PLCH1: variants seen among roughly 807,000 people sequenced by gnomAD.
PLCH1 encodes the protein phospholipase C eta 1.
Under a neutral mutation model 126.7 loss-of-function variants are expected in PLCH1, and 60 were observed. That is an observed-to-expected ratio of 0.47 (90% CI 0.38 to 0.59). PLCH1 has a LOEUF of 0.59. Ranked by LOEUF, PLCH1 falls within the 20% of genes least tolerant of loss-of-function variation. The probability of loss-of-function intolerance (pLI) is 0.00; values close to 1 mark genes in which losing one functional copy is unlikely to be tolerated. For missense variants in PLCH1, 1,723 were observed against 2,040.0 expected (o/e 0.84, Z 2.99); for synonymous variants, 719 against 734.9 (o/e 0.98, Z 0.35).
At chr3:155,639,494 T>C (rs2108848025) in intron 2 of PLCH1, among the ~76,000 whole-genome samples, 1 of 152,164 alleles carries the variant, frequency 6.6e-6, no homozygotes, top group South Asian at 2.1e-4. Flanking sequence ...TATATGGCAA[T>C]CACAGTCCTC....
intron 1 of PLCH1, among the ~76,000 whole-genome samples, chr3:155,724,805 G>C (rs1424551036): frequency 1.4e-5 from 2 of 139,520 alleles, no homozygotes; most frequent in Non-Finnish European, 3.0e-5. Flanking sequence ...TGAATACCTT[G>C]GGGGGTTTTG....
At chr3:155,474,357 C>A (rs1436057978) in intron 21 of PLCH1, among the ~76,000 whole-genome samples, 28 of 150,054 alleles carry the variant, frequency 1.9e-4, no homozygotes, top group African/African-American at 6.6e-4. Context: ...CAGAGAAATG[C>A]AAATCAAAAC....
At chr3:155,603,345 A>G (rs889016173) in intron 2 of PLCH1, among the ~76,000 whole-genome samples, 2 of 151,964 alleles carry the variant, frequency 1.3e-5, no homozygotes, top group African/African-American at 4.8e-5. Flanking sequence ...GTCAAAAAGT[A>G]AGGAAAGGGA....
chr3:155,481,856 T>C lies in PLCH1; in HGVS notation c.4170A>G (p.Glu1390=). 1 of 1,614,178 alleles carries C rather than the reference T, an allele frequency of 6.2e-7. No individual in the cohort carries two copies. Among genetic ancestry groups the C allele is most frequent in the South Asian group, 1.1e-5 (1 of 91,076 alleles). The change falls in exon 23 of 23, where the codon GAA becomes GAG. Residue 1390 remains glutamate (E), a synonymous_variant. Coordinates refer to ENST00000460012, the MANE Select transcript of PLCH1 (RefSeq NM_014996.4). This position sits in a 1 kb window ranked among gnomAD's most constrained non-coding sequence, Gnocchi z 4.2. The part of the protein sequence containing the change: ...LKLKYNQGVV[E]HFQRGLRNGY... The stretch of plus-strand genomic sequence containing the variant: ...CGTTTCTCAAACCTCTTTGAAAGTG[T>C]TCTACCACACCCTGATTGTACTTGA...
chr3:155,574,103 C>T (rs55741476), intron 6 of PLCH1, among the ~76,000 whole-genome samples: 4,104 of 152,018 alleles, frequency 0.027, 179 homozygotes, highest in African/African-American at 0.094. Flanking sequence ...TTAGTGGAGA[C>T]GGGGTTTCAC....
At chr3:155,646,640 T>C (rs1205465492) in intron 2 of PLCH1, among the ~76,000 whole-genome samples, 12 of 152,202 alleles carry the variant, frequency 7.9e-5, no homozygotes, top group African/African-American at 2.9e-4. Flanking sequence ...GATACTTCTC[T>C]AAATGACTTA....
chr3:155,701,183 G>C (rs1220533840), intron 2 of PLCH1, among the ~76,000 whole-genome samples: 2 of 152,112 alleles, frequency 1.3e-5, no homozygotes, highest in African/African-American at 4.8e-5. Flanking sequence ...TAGATAAAAG[G>C]CCGGACATAA....
intron 1 of PLCH1, among the ~76,000 whole-genome samples, chr3:155,739,658 C>G (rs529137096): frequency 6.6e-6 from 1 of 152,148 alleles, no homozygotes; most frequent in Non-Finnish European, 1.5e-5. Context: ...ACAAATTTCC[C>G]GCCTATTACC....
In PLCH1 at chr3:155,594,036, G is replaced by A. The variant is rs149052198; in HGVS notation, c.375C>T (p.Pro125=). The part of the protein sequence containing the change: ...MESLDLITSN[P]EEARTWITGL... ...CTGTGATCCAGGTGCGGGCCTCCTCGGGGTTGGAGGTGATGAGGTCCAGGG... is the reference window on the plus strand; with the variant it reads ...CTGTGATCCAGGTGCGGGCCTCCTCAGGGTTGGAGGTGATGAGGTCCAGGG... Residue 125 remains proline (P), a synonymous_variant, in exon 4 of 23, where the codon CCC becomes CCT. Coordinates refer to ENST00000460012, the MANE Select transcript of PLCH1 (RefSeq NM_014996.4). The A allele has an allele frequency of 7.2e-5, 116 of 1,613,944 alleles. No individual in the cohort carries two copies. The highest frequency in any genetic ancestry group is 4.3e-4 in the African/African-American group (32 of 75,008).
intron 2 of PLCH1, among the ~76,000 whole-genome samples, chr3:155,702,848 A>C (rs1294179451): frequency 1.3e-5 from 2 of 152,220 alleles, no homozygotes; most frequent in Non-Finnish European, 2.9e-5. Flanking sequence ...ACTGCATGAG[A>C]GATAAAGCAA....
chr3:155,518,740 A>AAAAG (rs1459503848), intron 11 of PLCH1, among the ~76,000 whole-genome samples: 1 of 152,174 alleles, frequency 6.6e-6, no homozygotes, highest in Non-Finnish European at 1.5e-5. Context: ...AGGACAAAAA[A>AAAAG]AAAGAAAGCA....
intron 6 of PLCH1, among the ~76,000 whole-genome samples, chr3:155,577,987 G>A (rs1730194967): frequency 6.6e-6 from 1 of 152,160 alleles, no homozygotes; most frequent in South Asian, 2.1e-4. Context: ...ATCTCCCTTT[G>A]CATGGATCAG....
At chr3:155,637,112 A>G (rs1375909318) in intron 2 of PLCH1, among the ~76,000 whole-genome samples, 1 of 152,228 alleles carries the variant, frequency 6.6e-6, no homozygotes, top group Admixed American at 6.5e-5. Context: ...ATACTTTTAG[A>G]ACAGCTTAAA....
chr3:155,744,342 C>T (rs1412760360), intron 1 of PLCH1, among the ~76,000 whole-genome samples: 3 of 152,198 alleles, frequency 2.0e-5, no homozygotes, highest in Non-Finnish European at 2.9e-5. Context: ...CACACCTAGT[C>T]TCTAAGAGGT....
chr3:155,726,634 C>T (rs1040253201), intron 1 of PLCH1, among the ~76,000 whole-genome samples: 2 of 151,412 alleles, frequency 1.3e-5, no homozygotes, highest in African/African-American at 4.8e-5. Context: ...TTAAATGTTG[C>T]CTTTTCCAAT....
chr3:155,602,343 A>C (rs1482052460), intron 2 of PLCH1, among the ~76,000 whole-genome samples: 1 of 152,204 alleles, frequency 6.6e-6, no homozygotes, highest in Non-Finnish European at 1.5e-5. Context: ...TGGCCCTGTT[A>C]CCTATAAGAA....
chr3:155,669,716 T>C (rs959782952), intron 2 of PLCH1, among the ~76,000 whole-genome samples: 3 of 152,090 alleles, frequency 2.0e-5, no homozygotes, highest in Admixed American at 1.3e-4. Flanking sequence ...AAATTAAGAT[T>C]AAAACCTCAA....
At chr3:155,542,215 G>A (rs550244805) in intron 10 of PLCH1, among the ~76,000 whole-genome samples, 61 of 152,312 alleles carry the variant, frequency 4.0e-4, no homozygotes, top group African/African-American at 1.3e-3. Flanking sequence ...CTTAAAAAAC[G>A]GCGCACCAGG....
chr3:155,626,219 A>T (rs1321195310), intron 2 of PLCH1, among the ~76,000 whole-genome samples: 1 of 45,006 alleles, frequency 2.2e-5, no homozygotes, highest in African/African-American at 3.4e-4. Flanking sequence ...CACAAAAAAA[A>T]AAAAGAAAGA....
Sources: gnomAD v4.1 joint callset for allele counts (sites outside exome capture counted in the v4.1 genomes callset) on GRCh38, gnomAD v4.1.1 for gene constraint, Gnocchi (gnomAD v3.1) non-coding constraint, MANE v1.5 for transcripts, NCBI Gene and HGNC (gene_info 2026-07-23, HGNC 2026-07-21) for gene names.